The following OR1L6 variants were observed in gnomAD, a reference collection of about 807,000 sequenced individuals.
The protein encoded by OR1L6 is olfactory receptor 1L6.
Under a neutral mutation model 3.0 loss-of-function variants are expected in OR1L6, and 2 were observed. The ratio of observed to expected loss-of-function variants is 0.68; its 90% CI spans 0.28 to 2.13. The LOEUF is 2.13. Ranked by LOEUF, OR1L6 falls within the 30% of genes most tolerant of loss-of-function variation. The pLI, the probability that OR1L6 is intolerant of heterozygous loss-of-function variation, is 0.14. For synonymous variants in OR1L6, 121 were observed against 148.4 expected (o/e 0.82, Z 1.34); for missense variants, 304 against 378.4 (o/e 0.80, Z 1.63).
chr9:122,743,371 C>T (rs1359555908), intron 1 of OR1L6, among the ~76,000 whole-genome samples: 1 of 152,158 alleles, frequency 6.6e-6, no homozygotes, highest in Non-Finnish European at 1.5e-5. Context: ...TCAACCTAAA[C>T]TAAGTAGGAA....
At chr9:122,749,695 G>A (rs375157722) in intron 1 of OR1L6, 140 bp from the exon 2 acceptor site, 22 of 825,954 alleles carry the variant, frequency 2.7e-5, no homozygotes, top group East Asian at 9.7e-5. Context: ...GCGACAGACC[G>A]AGACTCCGTC....
chr9:122,747,539 A>T (rs1339323790), intron 1 of OR1L6, among the ~76,000 whole-genome samples: 1 of 152,024 alleles, frequency 6.6e-6, no homozygotes, highest in African/African-American at 2.4e-5. Context: ...TAACATTTTT[A>T]AAATATTGAT....
chr9:122,749,862 C>T lies in OR1L6; in HGVS notation c.15C>T (p.Asn5=), dbSNP rs746360853. The T allele has an allele frequency of 2.5e-6, 4 of 1,614,070 alleles. No individual in the cohort carries two copies. Among genetic ancestry groups the T allele is most frequent in the Admixed American group, 1.7e-5 (1 of 60,002 alleles). MEIK[N]YSSSTSGFIL... is the part of the protein sequence containing the mutation. The stretch of plus-strand genomic sequence containing the variant: ...AGTCCAGAGACATGGAGATAAAGAA[C>T]TACAGCAGCAGCACCTCAGGCTTCA... Residue 5 remains asparagine (N), a synonymous_variant, in exon 2 of 2, where the codon AAC becomes AAT. Coordinates refer to ENST00000304720, the MANE Select transcript of OR1L6 (RefSeq NM_001004453.3).
intron 1 of OR1L6, among the ~76,000 whole-genome samples, chr9:122,749,043 T>A (rs1828863809): frequency 6.6e-6 from 1 of 152,216 alleles, no homozygotes; most frequent in Admixed American, 6.5e-5. Flanking sequence ...AGTGCTGCAA[T>A]AAACATATAA....
chr9:122,748,776 A>G (rs1047605426), intron 1 of OR1L6, among the ~76,000 whole-genome samples: 11 of 152,178 alleles, frequency 7.2e-5, no homozygotes, highest in African/African-American at 2.4e-4. Flanking sequence ...ATGAGTGAGA[A>G]CATGTGATAT....
chr9:122,745,132 A>G (rs1828822742), intron 1 of OR1L6, among the ~76,000 whole-genome samples: 2 of 152,230 alleles, frequency 1.3e-5, no homozygotes, highest in Admixed American at 1.3e-4. Context: ...GACATTTTCA[A>G]GATTTATAAA....
At chr9:122,748,336 A>T (rs887288191) in intron 1 of OR1L6, among the ~76,000 whole-genome samples, 7 of 152,060 alleles carry the variant, frequency 4.6e-5, no homozygotes, top group Non-Finnish European at 8.8e-5. Flanking sequence ...GGTGTCATTC[A>T]TGGAGATACC....
rs1434169732 is a variant in OR1L6 at position 122,750,158 on chromosome 9, T to C, written c.311T>C (p.Phe104Ser). Residue 104 changes from phenylalanine (F) to serine (S), a missense_variant, in exon 2 of 2, where the codon TTC (phenylalanine) becomes TCC (serine). This residue lies in a region of OR1L6 where 192 missense variants were observed against 242.7 expected (regional missense o/e 0.79). Transcript: ENST00000304720. ...SYVGCLAQMYFFMAFGNTDSY... is the reference protein window; with the variant it reads ...SYVGCLAQMYSFMAFGNTDSY... Reference sequence around the variant, plus strand: ...GTGGGCTGCCTGGCCCAGATGTACTTCTTTATGGCATTTGGGAACACTGAC... The same window carrying C: ...GTGGGCTGCCTGGCCCAGATGTACTCCTTTATGGCATTTGGGAACACTGAC... 1 of 1,613,532 alleles carries C rather than the reference T, an allele frequency of 6.2e-7. No individual in the cohort carries two copies. Among genetic ancestry groups the C allele is most frequent in the African/African-American group, 1.3e-5 (1 of 75,032 alleles).
At position 122,750,758 on chromosome 9, in the gene OR1L6, A is replaced by C. The variant is rs1371645392; in HGVS notation, c.911A>C (p.Lys304Thr). ...AAAGATATGAAGAGGGGTTTGAAGA[A>C]ATTACAGGACAGAATTTACCGGTAA... ...RNKDMKRGLK[K>T]LQDRIYR is the part of the protein sequence containing the mutation. The change falls in exon 2 of 2, where the codon AAA becomes ACA. Residue 304 changes from lysine to threonine, a missense_variant. Lys to Thr is a moderately conservative substitution (Grantham distance 78). Transcript: ENST00000304720. 2 of 1,609,576 alleles carry C rather than the reference A, an allele frequency of 1.2e-6. No homozygotes were observed. Among genetic ancestry groups the C allele is most frequent in the South Asian group, 1.1e-5 (1 of 90,494 alleles).
At position 122,750,253 on chromosome 9, in the gene OR1L6, G is replaced by T; in HGVS notation, c.406G>T (p.Val136Phe). 1 of 1,614,090 alleles carries T rather than the reference G, an allele frequency of 6.2e-7. No individual in the cohort carries two copies. The highest frequency in any genetic ancestry group is 1.1e-5 in the South Asian group (1 of 91,074). The part of the protein sequence containing the change: ...AICNPLHYDV[V>F]MKPRHCLLML... ...CTGCAACCCCTTACACTATGATGTG[G>T]TTATGAAACCACGGCATTGCCTGCT... Residue 136 changes from valine to phenylalanine, a missense_variant, in exon 2 of 2, where the codon GTT (valine) becomes TTT (phenylalanine). This residue lies in a region of OR1L6 where 192 missense variants were observed against 242.7 expected (regional missense o/e 0.79). Transcript: ENST00000304720.
chr9:122,749,533 C>T (rs1048277178), intron 1 of OR1L6, among the ~76,000 whole-genome samples: 1 of 152,066 alleles, frequency 6.6e-6, no homozygotes, highest in African/African-American at 2.4e-5. Flanking sequence ...CAGTGAAACC[C>T]CGTCTCTACT....
In OR1L6 at chr9:122,750,054, C is replaced by G. The variant is rs1828875059; in HGVS notation, c.207C>G (p.Phe69Leu). 3 of 1,614,180 alleles carry G rather than the reference C, an allele frequency of 1.9e-6. No homozygotes were observed. In the East Asian group the frequency reaches 6.7e-5, roughly 36 times the overall value. Residue 69 changes from phenylalanine (F) to leucine (L), a missense_variant, in exon 2 of 2, where the codon TTC (phenylalanine) becomes TTG (leucine). Around this residue, in one of 3 missense-constraint regions of OR1L6, gnomAD observed 192 missense variants for 242.7 expected, o/e 0.79. Coordinates refer to ENST00000304720, the MANE Select transcript of OR1L6 (RefSeq NM_001004453.3). ...PMYFFLSNLS[F>L]MDICFTTVIV... ...ACTTTTTTCTCAGCAACTTGTCTTT[C>G]ATGGATATCTGCTTCACAACAGTCA...
In OR1L6 at chr9:122,750,555, G is replaced by C; in HGVS notation, c.708G>C (p.Trp236Cys). The C allele has an allele frequency of 6.2e-7, 1 of 1,611,860 alleles. No individual in the cohort carries two copies. Among genetic ancestry groups the C allele is most frequent in the Non-Finnish European group, 8.5e-7 (1 of 1,178,602 alleles). The change falls in exon 2 of 2, where the codon TGG becomes TGC. Residue 236 changes from tryptophan (W) to cysteine (C), a missense_variant. Physicochemically the swap from Trp to Cys is radical, Grantham distance 215. Transcript: ENST00000304720. Reference protein sequence around the residue: ...VLRIPSAAGKWKAFSTCGSHL... With the variant: ...VLRIPSAAGKCKAFSTCGSHL... Reference sequence around the variant, plus strand: ...GAATCCCCTCTGCAGCCGGGAAGTGGAAGGCCTTCTCTACCTGTGGCTCCC... The same window carrying C: ...GAATCCCCTCTGCAGCCGGGAAGTGCAAGGCCTTCTCTACCTGTGGCTCCC...
At chr9:122,742,699 A>C (rs1384713950) in intron 1 of OR1L6, among the ~76,000 whole-genome samples, 1 of 152,032 alleles carries the variant, frequency 6.6e-6, no homozygotes, top group Admixed American at 6.6e-5. Flanking sequence ...GAGAGCACAC[A>C]CTCTGGGAAT....
At chr9:122,744,703 T>G (rs1297415725) in intron 1 of OR1L6, among the ~76,000 whole-genome samples, 1 of 152,212 alleles carries the variant, frequency 6.6e-6, no homozygotes, top group Admixed American at 6.5e-5. Flanking sequence ...TAGCTTATTG[T>G]ATGAGCAGTT....
rs747251995 is a variant in OR1L6, at chr9:122,749,888, T to A, written c.41T>A (p.Ile14Asn). 6.2e-7 allele frequency: 1 copy of A among 1,614,142 alleles called. No individual in the cohort carries two copies. The highest frequency in any genetic ancestry group is 8.5e-7 in the Non-Finnish European group (1 of 1,180,026). Residue 14 changes from isoleucine (I) to asparagine (N), a missense_variant, in exon 2 of 2, where the codon ATC becomes AAC. Ile to Asn is a moderately radical substitution (Grantham distance 149). Transcript: ENST00000304720. ...TACAGCAGCAGCACCTCAGGCTTCA[T>A]CCTCCTGGGCCTCTCTTCCAACCCT... ...KNYSSSTSGFILLGLSSNPQL... is the reference protein window; with the variant it reads ...KNYSSSTSGFNLLGLSSNPQL...
At chr9:122,744,744 A>T (rs936865929) in intron 1 of OR1L6, among the ~76,000 whole-genome samples, 4 of 152,180 alleles carry the variant, frequency 2.6e-5, no homozygotes, top group African/African-American at 9.7e-5. Context: ...AGTTTGCCAA[A>T]CACTCACTCA....
intron 1 of OR1L6, among the ~76,000 whole-genome samples, chr9:122,747,856 T>A (rs562876690): frequency 2.0e-5 from 3 of 152,224 alleles, no homozygotes; most frequent in Admixed American, 2.0e-4. Context: ...TAATTCTTAC[T>A]TTTTCACTGA....
Position 122,750,665 on chromosome 9 carries a change from G to A in OR1L6, c.818G>A (p.Arg273Gln), listed in dbSNP as rs370417614. ...PLSMYSVVRD[R>Q]VATVMYTVVT... is the part of the protein sequence containing the mutation. Reference sequence around the variant, plus strand: ...TCCATGTACTCAGTGGTTAGGGACCGGGTAGCCACAGTTATGTACACAGTA... The same window carrying A: ...TCCATGTACTCAGTGGTTAGGGACCAGGTAGCCACAGTTATGTACACAGTA... Residue 273 changes from arginine to glutamine, a missense_variant, in exon 2 of 2, where the codon CGG becomes CAG. This residue lies in a region of OR1L6 where 91 missense variants were observed against 87.8 expected (regional missense o/e 1.04). Transcript: ENST00000304720. 1.7e-5 allele frequency: 28 copies of A among 1,613,930 alleles called. No individual in the cohort carries two copies. Among genetic ancestry groups the A allele is most frequent in the East Asian group, 8.9e-5 (4 of 44,900 alleles).
Sources: gnomAD v4.1 joint callset for allele counts (sites outside exome capture counted in the v4.1 genomes callset) on GRCh38, gnomAD v4.1.1 for gene constraint, gnomAD v4.1.1 regional missense constraint, MANE v1.5 for transcripts, NCBI Gene and HGNC (gene_info 2026-07-23, HGNC 2026-07-21) for gene names.